The following SPEG variants were observed in gnomAD, a reference collection of about 807,000 sequenced individuals.
SPEG encodes the protein striated muscle preferentially expressed protein kinase.
SPEG carries 114 observed loss-of-function variants against 300.4 expected under a neutral mutation model. The ratio of observed to expected loss-of-function variants is 0.38; its 90% CI spans 0.33 to 0.44. SPEG has a LOEUF of 0.44. Among genes scored for constraint, SPEG ranks in the 20% least tolerant of loss-of-function variants. The pLI is 1.00. For missense variants in SPEG, 4,201 were observed against 4,586.2 expected, an observed-to-expected ratio of 0.92 and a Z score of 2.43; for synonymous variants, 1,964 against 2,018.9, an observed-to-expected ratio of 0.97 and a Z score of 0.73.
chr2:219,483,502 C>A lies in SPEG; in HGVS notation c.6039C>A (p.Gly2013=). ...CCAGGCGGGGAGAGCTCCGCAGGGG[C>A]AGCTCGGCTGAGAGCGCCCTGCCCC... The part of the protein sequence containing the change: ...ASPRRGELRR[G]SSAESALPRA... Residue 2013 remains glycine (G), a synonymous_variant, in exon 30 of 41, where the codon GGC becomes GGA. Transcript: ENST00000312358. 1 of 1,426,306 alleles carries A rather than the reference C, an allele frequency of 7.0e-7. No homozygotes were observed. Among genetic ancestry groups the A allele is most frequent in the East Asian group, 2.7e-5 (1 of 36,562 alleles). The allele number at this position is 1,426,306 out of a possible 1,614,324, so 88.4% of individuals were successfully genotyped here.
intron 28 of SPEG, chr2:219,482,488 G>C (rs1309192740): frequency 1.1e-5 from 4 of 380,336 alleles, no homozygotes; most frequent in African/African-American, 6.0e-5. Context: ...AGGGCAGCTG[G>C]TTTACCAGGA....
intron 4 of SPEG, 148 bp from the exon 5 acceptor site, chr2:219,450,984 GAGGC>G: frequency 1.4e-6 from 1 of 724,242 alleles, no homozygotes; most frequent in Non-Finnish European, 2.2e-6. Context: ...GGACATTCAG[GAGGC>G]AGACCCTCTT....
rs762894172 is a variant in SPEG, at chr2:219,461,978, G to A, written c.2537G>A (p.Arg846Gln). Residue 846 changes from arginine to glutamine, a missense_variant, in exon 7 of 41, where the codon CGA becomes CAA. By Grantham distance (43) the Arg-to-Gln change is conservative. This residue lies in a region of SPEG where 1,258 missense variants were observed against 1,293.9 expected (regional missense o/e 0.97). Transcript: ENST00000312358. ...CCAGAGCCTGGGGAGACCTGGCCGC[G>A]AACCCCCACCATGAAGCCCAGTCCC... ...EFPEPGETWP[R>Q]TPTMKPSPSQ... is the part of the protein sequence containing the mutation. The A allele has an allele frequency of 3.1e-6, 5 of 1,613,432 alleles. No individual in the cohort carries two copies. The highest frequency in any genetic ancestry group is 4.5e-5 in the East Asian group (2 of 44,838).
At chr2:219,454,437 C>G (rs1055375364) in intron 6 of SPEG, among the ~76,000 whole-genome samples, 1 of 152,152 alleles carries the variant, frequency 6.6e-6, no homozygotes, top group Non-Finnish European at 1.5e-5. Flanking sequence ...CACCGCTGCC[C>G]ACATCCATCA....
rs1264632890 is a variant in SPEG, at chr2:219,483,958, T to C, written c.6495T>C (p.Pro2165=). The part of the protein sequence containing the change: ...RLGARRLQES[P]SLSALSEAQP... ...GGGCCCGTAGGCTACAGGAGTCTCC[T>C]TCCCTGTCTGCCCTCAGCGAGGCCC... is the stretch of plus-strand genomic sequence containing the variant. Residue 2165 remains proline (P), a synonymous_variant, in exon 30 of 41, where the codon CCT becomes CCC. Transcript: ENST00000312358. 2 of 1,607,758 alleles carry C rather than the reference T, an allele frequency of 1.2e-6. No homozygotes were observed. Among genetic ancestry groups the C allele is most frequent in the African/African-American group, 1.3e-5 (1 of 74,860 alleles).
intron 31 of SPEG, among the ~76,000 whole-genome samples, chr2:219,487,133 A>G (rs1693509214): frequency 6.8e-6 from 1 of 146,782 alleles, no homozygotes; most frequent in South Asian, 2.2e-4. Flanking sequence ...CACCACCCCC[A>G]TGGCCCAGCT....
chr2:219,462,462 G>A (rs1223085214), intron 8 of SPEG, 76 bp downstream of exon 8: 1 of 1,205,154 alleles, frequency 8.3e-7, no homozygotes, highest in East Asian at 2.6e-5. Flanking sequence ...GCTTTGGGTG[G>A]AAGGAAATGG....
chr2:219,468,318 GGC>G (rs1448707462), intron 10 of SPEG, among the ~76,000 whole-genome samples: 2 of 152,062 alleles, frequency 1.3e-5, no homozygotes, highest in Non-Finnish European at 2.9e-5. Context: ...GGGGAGCTGG[GGC>G]CAGGCCCTGG....
chr2:219,435,281 G>A lies in SPEG; in HGVS notation c.304G>A (p.Asp102Asn), dbSNP rs1423735923. 19 of 1,502,856 alleles carry A rather than the reference G, an allele frequency of 1.3e-5. No individual in the cohort carries two copies. Among genetic ancestry groups the A allele is most frequent in the Non-Finnish European group, 1.7e-5 (19 of 1,134,672 alleles). 93.1% of individuals were successfully genotyped at this position (1,502,856 alleles called of 1,614,324 possible). ...CLWLRRCGAQ[D>N]AGVYSCMAQN... is the part of the protein sequence containing the mutation. Reference sequence around the variant, plus strand: ...GTGGCTGCGGCGCTGCGGGGCGCAGGACGCCGGCGTGTACAGCTGCATGGC... The same window carrying A: ...GTGGCTGCGGCGCTGCGGGGCGCAGAACGCCGGCGTGTACAGCTGCATGGC... Residue 102 changes from aspartate (D) to asparagine (N), a missense_variant, in exon 1 of 41, where the codon GAC becomes AAC. Around this residue, in one of 4 missense-constraint regions of SPEG, gnomAD observed 1,258 missense variants for 1,293.9 expected, o/e 0.97. Coordinates refer to ENST00000312358, the MANE Select transcript of SPEG (RefSeq NM_005876.5).
chr2:219,474,966 G>A (rs1374457080), intron 18 of SPEG, among the ~76,000 whole-genome samples: 1 of 152,018 alleles, frequency 6.6e-6, no homozygotes, highest in East Asian at 1.9e-4. Flanking sequence ...GTATTTTTTA[G>A]TAGAGATGGG....
At position 219,464,312 on chromosome 2, in the gene SPEG, G is replaced by A. The variant is rs907402280; in HGVS notation, c.2706-121G>A. The stretch of plus-strand genomic sequence containing the variant: ...AGGGATGCCCACGGTCAGTGGGACA[G>A]ATCTGGGGACTGGGCAAACTGCACA... On this transcript the variant is annotated intron_variant, in intron 8 of 40. Coordinates refer to ENST00000312358, the MANE Select transcript of SPEG (RefSeq NM_005876.5). This position sits in a 1 kb window ranked among gnomAD's most constrained non-coding sequence, Gnocchi z 4.5. The A allele has an allele frequency of 2.7e-6, 3 of 1,125,062 alleles. No individual in the cohort carries two copies. The highest frequency in any genetic ancestry group is 2.3e-5 in the Admixed American group (1 of 43,660). 69.7% of individuals were successfully genotyped at this position (1,125,062 alleles called of 1,614,324 possible). A position where few individuals can be genotyped will look rare whatever the true frequency, so the allele number is the denominator to read the frequency against.
In SPEG at chr2:219,471,977, G is replaced by A; in HGVS notation, c.3825G>A (p.Leu1275=). 1.2e-6 allele frequency: 2 copies of A among 1,612,570 alleles called. No individual in the cohort carries two copies. Among genetic ancestry groups the A allele is most frequent in the Non-Finnish European group, 1.7e-6 (2 of 1,179,964 alleles). The change falls in exon 14 of 41, where the codon CTG becomes CTA. Residue 1275 remains leucine (L), a synonymous_variant. Transcript: ENST00000312358. ...GCAAAGCTGCCTGCTATGCCCACCT[G>A]TATGTCACAGGTGAGGCAGGCACCC... ...KLGKAACYAH[L]YVTDVVPGPP...
Position 219,448,327 on chromosome 2 carries a change from C to T in SPEG, c.1169C>T (p.Ser390Leu). 1 of 1,601,228 alleles carries T rather than the reference C, an allele frequency of 6.2e-7. No homozygotes were observed. The highest frequency in any genetic ancestry group is 1.1e-5 in the South Asian group (1 of 89,976). Residue 390 changes from serine to leucine, a missense_variant, in exon 4 of 41, where the codon TCG becomes TTG. Transcript: ENST00000312358. ...GGCCGCCTGTCGGCGTTGGGCCGAT[C>T]GCCTAGGCTGGTGCGCGCCGGCTCC... ...ASGRLSALGR[S>L]PRLVRAGSRI...
intron 31 of SPEG, among the ~76,000 whole-genome samples, chr2:219,487,717 T>A (rs1171733005): frequency 6.6e-6 from 1 of 152,206 alleles, no homozygotes; most frequent in Non-Finnish European, 1.5e-5. Flanking sequence ...GACTGCACAT[T>A]CTGATAGAAC....
chr2:219,477,391 G>A lies in SPEG; in HGVS notation c.4675G>A (p.Ala1559Thr), dbSNP rs765533072. 10 of 1,608,976 alleles carry A rather than the reference G, an allele frequency of 6.2e-6. No individual in the cohort carries two copies. Among genetic ancestry groups the A allele is most frequent in the Non-Finnish European group, 8.5e-6 (10 of 1,177,812 alleles). Residue 1559 changes from alanine (A) to threonine (T), a missense_variant, in exon 20 of 41, where the codon GCC becomes ACC. Ala to Thr is a moderately conservative substitution (Grantham distance 58). Transcript: ENST00000312358. This position sits in a 1 kb window ranked among gnomAD's most constrained non-coding sequence, Gnocchi z 6.4. ...GGATGGAGGCGTCTACACCTGCACC[G>A]CCCAGAACCTGGCGGGTGAGGTCTC... is the stretch of plus-strand genomic sequence containing the variant. ...AQDGGVYTCT[A>T]QNLAGEVSCK...
At chr2:219,463,536 C>T (rs1487060026) in intron 8 of SPEG, among the ~76,000 whole-genome samples, 1 of 150,332 alleles carries the variant, frequency 6.7e-6, no homozygotes, top group Non-Finnish European at 1.5e-5. Context: ...GCCTCAGCCT[C>T]CTGAGTAGCT....
intron 28 of SPEG, chr2:219,482,072 T>C (rs1356976506): frequency 3.3e-5 from 9 of 270,006 alleles, no homozygotes; most frequent in Non-Finnish European, 6.4e-5. Context: ...TCTCAGCCCC[T>C]TGGTTATGAG....
intron 4 of SPEG, among the ~76,000 whole-genome samples, chr2:219,450,297 T>TC (rs1182845315): frequency 6.6e-6 from 1 of 152,198 alleles, no homozygotes; most frequent in Non-Finnish European, 1.5e-5. Flanking sequence ...GAGGGTCTTT[T>TC]CCCCTCCATC....
Position 219,473,065 on chromosome 2 carries a change from C to T in SPEG, c.4116C>T (p.Pro1372=). ...TCAAGAGCAGCAGCAAGCCCTCACCCCCTTCTGAGCCTGTGCAGCTGCTGG... is the reference window on the plus strand; with the variant it reads ...TCAAGAGCAGCAGCAAGCCCTCACCTCCTTCTGAGCCTGTGCAGCTGCTGG... ...TTVKSSSKPS[P]PSEPVQLLEH... The change falls in exon 16 of 41, where the codon CCC becomes CCT. Residue 1372 remains proline, a synonymous_variant. Coordinates refer to ENST00000312358, the MANE Select transcript of SPEG (RefSeq NM_005876.5). The surrounding 1 kb of genome is among the most constrained non-coding windows in gnomAD (Gnocchi z 4.6). 3.1e-6 allele frequency: 5 copies of T among 1,613,906 alleles called. No individual in the cohort carries two copies. The highest frequency in any genetic ancestry group is 1.1e-5 in the South Asian group (1 of 91,076).
Sources: allele counts gnomAD v4.1 joint callset (sites outside exome capture counted in the v4.1 genomes callset), GRCh38; gene constraint gnomAD v4.1.1; regional missense constraint gnomAD v4.1.1; non-coding constraint Gnocchi (gnomAD v3.1); transcripts MANE v1.5; gene names NCBI Gene and HGNC (gene_info 2026-07-23, HGNC 2026-07-21).